Variants in R3HDM2 observed in about 807,000 individuals in gnomAD.
The protein encoded by R3HDM2 is R3H domain-containing protein 2.
A neutral mutation model predicts 124.5 loss-of-function variants in R3HDM2; 38 were observed. The observed-to-expected ratio is 0.31, with a 90% CI of 0.24 to 0.40. The LOEUF (loss-of-function observed/expected upper bound fraction) is 0.40. R3HDM2 is among the 10% of genes least tolerant of loss of function. The probability of loss-of-function intolerance (pLI) is 1.00; values close to 1 mark genes in which losing one functional copy is unlikely to be tolerated. For synonymous variants in R3HDM2, 391 were observed against 448.0 expected (o/e 0.87, Z 1.61); for missense variants, 869 against 1,236.9 (o/e 0.70, Z 4.46).
intron 2 of R3HDM2, among the ~76,000 whole-genome samples, chr12:57,316,458 C>A (rs1348507149): frequency 6.6e-6 from 1 of 151,972 alleles, no homozygotes; most frequent in South Asian, 2.1e-4. Flanking sequence ...TTTTTTTAAG[C>A]CTCTGGAAGA....
At chr12:57,416,818 C>CA (rs898823097) in intron 1 of R3HDM2, among the ~76,000 whole-genome samples, 8 of 145,686 alleles carry the variant, frequency 5.5e-5, no homozygotes, top group Non-Finnish European at 1.2e-4. Context: ...CCCCGCCCCA[C>CA]AAAAAAAAGC....
intron 2 of R3HDM2, among the ~76,000 whole-genome samples, chr12:57,366,971 G>C (rs1257769444): frequency 6.6e-6 from 1 of 152,212 alleles, no homozygotes; most frequent in Non-Finnish European, 1.5e-5. Context: ...ACAGGTGTGA[G>C]CCACCACGCC....
At chr12:57,394,407 TAG>T (rs1447289851) in intron 2 of R3HDM2, among the ~76,000 whole-genome samples, 2 of 151,580 alleles carry the variant, frequency 1.3e-5, no homozygotes, top group Non-Finnish European at 2.9e-5. Flanking sequence ...TCAGGAGTTC[TAG>T]ACCAGCCTGG....
intron 2 of R3HDM2, among the ~76,000 whole-genome samples, chr12:57,348,712 AAAAAAAAAAG>A (rs2060319812): frequency 4.6e-5 from 2 of 43,760 alleles, no homozygotes; most frequent in Admixed American, 2.2e-4. Flanking sequence ...AAAAAAAAAA[AAAAAAAAAAG>A]AGAGAGAAAA....
intron 2 of R3HDM2, chr12:57,341,445 A>G: frequency 1.0e-6 from 1 of 983,158 alleles, no homozygotes; most frequent in East Asian, 1.1e-4. Context: ...GAAGAAAAAG[A>G]CTGCAAACAA....
At position 57,418,369 on chromosome 12, in the gene R3HDM2, G is replaced by A. The variant is rs59675441; in HGVS notation, c.-106+12351C>T. ...CCAGAGCTTTCTTTTGCCTTCAGCA[G>A]AGCAACTGGCAATATTCCCAACGGT... On this transcript the variant is annotated intron_variant, in intron 1 of 23. Coordinates refer to ENST00000402412, the MANE Select transcript of R3HDM2 (RefSeq NM_001394031.1). 2.1e-4 allele frequency: 206 copies of A among 984,362 alleles called. 2 individuals are homozygous for A. The African/African-American group carries it at 3.4e-3, about 16-fold the overall frequency. 61.0% of individuals were successfully genotyped at this position (984,362 alleles called of 1,614,324 possible).
At chr12:57,343,860 C>T (rs955402874) in intron 2 of R3HDM2, among the ~76,000 whole-genome samples, 5 of 151,422 alleles carry the variant, frequency 3.3e-5, no homozygotes, top group African/African-American at 1.2e-4. Flanking sequence ...AGGGCCAAAT[C>T]GACCACTGAA....
chr12:57,357,970 T>C (rs190295684), intron 2 of R3HDM2, among the ~76,000 whole-genome samples: 2 of 151,774 alleles, frequency 1.3e-5, no homozygotes, highest in African/African-American at 4.8e-5. Context: ...GTTATGTTAC[T>C]CATTTCTTTT....
intron 1 of R3HDM2, among the ~76,000 whole-genome samples, chr12:57,416,365 C>T (rs1228907669): frequency 1.3e-5 from 2 of 152,164 alleles, no homozygotes; most frequent in Admixed American, 6.6e-5. Flanking sequence ...CCAGTGTCCA[C>T]TGTATCATTC....
At chr12:57,256,682 C>T (rs2039111811) in intron 21 of R3HDM2, among the ~76,000 whole-genome samples, 171 bp from the exon 22 acceptor site, 1 of 152,188 alleles carries the variant, frequency 6.6e-6, no homozygotes, top group South Asian at 2.1e-4. Flanking sequence ...AATCCTTTGG[C>T]TCTCAACTGT....
rs2049538084 is a variant in R3HDM2 at position 57,295,333 on chromosome 12, C to A, written c.810+66G>T. On this transcript the variant is annotated intron_variant, in intron 10 of 23. Coordinates refer to ENST00000402412, the MANE Select transcript of R3HDM2 (RefSeq NM_001394031.1). ...GAGTTTTCTCCATCCCACAAAAATT[C>A]TTCTCCCTTCCCAGTTTCTCTTACT... is the stretch of plus-strand genomic sequence containing the variant. 4.5e-6 allele frequency: 5 copies of A among 1,102,638 alleles called. No individual in the cohort carries two copies. In the African/African-American group the frequency reaches 4.7e-5, roughly 10 times the overall value. The allele number at this position is 1,102,638 out of a possible 1,614,324, so 68.3% of individuals were successfully genotyped here.
chr12:57,377,065 C>T (rs1431173112), intron 2 of R3HDM2, among the ~76,000 whole-genome samples: 2 of 76,244 alleles, frequency 2.6e-5, no homozygotes, highest in African/African-American at 4.7e-5. Flanking sequence ...GCTGCTCACT[C>T]CTTGGGTCCA....
chr12:57,283,737 CA>C (rs951347520), intron 13 of R3HDM2, 86 bp downstream of exon 13: 6,444 of 1,162,684 alleles, frequency 5.5e-3, no homozygotes, highest in Non-Finnish European at 6.2e-3. Flanking sequence ...GACTCTGTCT[CA>C]AAAAAAAAAG....
intron 2 of R3HDM2, among the ~76,000 whole-genome samples, chr12:57,377,058 G>A (rs2064155101): frequency 8.0e-6 from 1 of 125,626 alleles, no homozygotes; most frequent in African/African-American, 2.9e-5. Context: ...TCTTGCTGCT[G>A]CTCACTCCTT....
intron 1 of R3HDM2, among the ~76,000 whole-genome samples, chr12:57,396,353 A>G (rs2067497041): frequency 6.6e-6 from 1 of 152,154 alleles, no homozygotes; most frequent in Non-Finnish European, 1.5e-5. Flanking sequence ...AGGCAGGAGA[A>G]TCACTTGAAC....
At chr12:57,305,171 C>T (rs992928886) in intron 3 of R3HDM2, among the ~76,000 whole-genome samples, 1 of 152,046 alleles carries the variant, frequency 6.6e-6, no homozygotes, top group Non-Finnish European at 1.5e-5. Flanking sequence ...AGCAACAGAG[C>T]AAGGCTCCGT....
chr12:57,426,861 G>A (rs1274157342), intron 1 of R3HDM2, among the ~76,000 whole-genome samples: 1 of 152,044 alleles, frequency 6.6e-6, no homozygotes, highest in Admixed American at 6.6e-5. Flanking sequence ...CCCTTCCAAG[G>A]ACAACTAATC....
intron 2 of R3HDM2, among the ~76,000 whole-genome samples, chr12:57,344,921 AC>A (rs1243978130): frequency 6.6e-6 from 1 of 151,218 alleles, no homozygotes; most frequent in African/African-American, 2.4e-5. Context: ...CCACCTTTCC[AC>A]CTTCCTGGTT....
In R3HDM2 at chr12:57,265,528, A is replaced by AAAAAGAAAAGAAAAG. The variant is rs112695589; in HGVS notation, c.2131+1188_2131+1202dup. On this transcript the variant is annotated intron_variant, in intron 19 of 23. Coordinates refer to ENST00000402412, the MANE Select transcript of R3HDM2 (RefSeq NM_001394031.1). The stretch of plus-strand genomic sequence containing the variant: ...TAGATTCAGAAAACAAAAAAAAGAA[A>AAAAAGAAAAGAAAAG]AAAAGAAAAGAAAAGAAAAGAAAAA... 4.7e-5 allele frequency among the ~76,000 whole-genome samples: 7 copies of AAAAAGAAAAGAAAAG among 149,852 alleles called. No homozygotes were observed. The East Asian group carries it at 1.4e-3, about 30-fold the overall frequency.
Sources: allele counts gnomAD v4.1 joint callset (sites outside exome capture counted in the v4.1 genomes callset), GRCh38; gene constraint gnomAD v4.1.1; transcripts MANE v1.5; gene names NCBI Gene and HGNC (gene_info 2026-07-23, HGNC 2026-07-21).